The following BUD13 variants were observed in gnomAD, a reference collection of about 807,000 sequenced individuals.
BUD13 encodes BUD13 homolog.
A neutral mutation model predicts 62.5 loss-of-function variants in BUD13; 47 were observed. The observed-to-expected ratio is 0.75, with a 90% confidence interval of 0.60 to 0.96. The LOEUF is 0.96. BUD13 is among the 40% of genes least tolerant of loss of function. The pLI is 0.00. For missense variants in BUD13, 821 were observed against 790.9 expected (o/e 1.04, Z -0.46); for synonymous variants, 293 against 280.1 (o/e 1.05, Z -0.46).
At position 116,765,455 on chromosome 11, in the gene BUD13, G is replaced by A. The variant is rs957298869; in HGVS notation, c.238-9C>T. On this transcript the variant is annotated splice_polypyrimidine_tract_variant and intron_variant, in intron 2 of 9. Transcript: ENST00000260210. Reference sequence around the variant, plus strand: ...TCCACAAACTCTGCCACCTGTGAGAGTAAAGATTTCCTATCTTAGGAAATC... The same window carrying A: ...TCCACAAACTCTGCCACCTGTGAGAATAAAGATTTCCTATCTTAGGAAATC... The A allele has an allele frequency of 1.2e-6, 2 of 1,614,036 alleles. No homozygotes were observed. Among genetic ancestry groups the A allele is most frequent in the Admixed American group, 1.7e-5 (1 of 60,022 alleles).
intron 2 of BUD13, among the ~76,000 whole-genome samples, chr11:116,769,014 CAA>C (rs34626460): frequency 1.1e-3 from 102 of 90,126 alleles, no homozygotes; most frequent in Admixed American, 1.2e-3. Flanking sequence ...GACTCCGTCT[CAA>C]AAAAAAAAAA....
At chr11:116,770,455 C>T (rs1368704453) in intron 1 of BUD13, among the ~76,000 whole-genome samples, 1 of 151,778 alleles carries the variant, frequency 6.6e-6, no homozygotes, top group Non-Finnish European at 1.5e-5. Context: ...TTCACATATG[C>T]AGTTCCTTCC....
Position 116,760,784 on chromosome 11 carries a change from G to A in BUD13, c.1205C>T (p.Ser402Phe). 6.2e-7 allele frequency: 1 copy of A among 1,614,192 alleles called. No homozygotes were observed. The highest frequency in any genetic ancestry group is 8.5e-7 in the Non-Finnish European group (1 of 1,180,022). The change falls in exon 5 of 10, where the codon TCT becomes TTT. Residue 402 changes from serine to phenylalanine, a missense_variant. Physicochemically the swap from Ser to Phe is radical, Grantham distance 155. This residue lies in a region of BUD13 where 800 missense variants were observed against 739.2 expected (regional missense o/e 1.08). Transcript: ENST00000260210. ...PPRRRQRTKSSDSDLSPPRRS... is the reference protein window; with the variant it reads ...PPRRRQRTKSFDSDLSPPRRS... ...TCGAGGCGGGGACAGGTCAGAATCAGAAGATTTGGTCCTCTGTCTCCTCCT... is the reference window on the plus strand; with the variant it reads ...TCGAGGCGGGGACAGGTCAGAATCAAAAGATTTGGTCCTCTGTCTCCTCCT...
chr11:116,762,292 A>T (rs1439287399), intron 4 of BUD13, among the ~76,000 whole-genome samples: 2 of 152,226 alleles, frequency 1.3e-5, no homozygotes, highest in Non-Finnish European at 2.9e-5. Flanking sequence ...GTCACATTTT[A>T]TCTTTATATA....
At chr11:116,768,388 A>G (rs10790162) in intron 2 of BUD13, among the ~76,000 whole-genome samples, 141,445 of 152,252 alleles carry the variant, frequency 0.93, 65,953 homozygotes, top group African/African-American at 0.98. Flanking sequence ...CCTATGTACA[A>G]TATGATCCCA....
chr11:116,757,089 C>A, intron 9 of BUD13, 57 bp downstream of exon 9: 1 of 1,511,478 alleles, frequency 6.6e-7, no homozygotes, highest in Non-Finnish European at 9.2e-7. Flanking sequence ...GAGCAACTTA[C>A]GAGTGGTTAG....
chr11:116,752,620 G>A (rs1214864793), intron 9 of BUD13, among the ~76,000 whole-genome samples: 1 of 152,190 alleles, frequency 6.6e-6, no homozygotes, highest in African/African-American at 2.4e-5. Flanking sequence ...ACTTCTGGCT[G>A]TATGTATGGC....
intron 9 of BUD13, 32 bp downstream of exon 9, chr11:116,757,114 A>C (rs765827210): frequency 1.8e-5 from 29 of 1,597,334 alleles, no homozygotes; most frequent in Non-Finnish European, 2.4e-5. Flanking sequence ...GGTTACAGTC[A>C]GGTAGAAAAT....
rs1940467351 is a variant in BUD13 at position 116,763,132 on chromosome 11, T to C, written c.457A>G (p.Arg153Gly). 1 of 1,597,104 alleles carries C rather than the reference T, an allele frequency of 6.3e-7. No homozygotes were observed. Among genetic ancestry groups the C allele is most frequent in the Non-Finnish European group, 8.6e-7 (1 of 1,166,870 alleles). ...DRHDTPDPSP[R>G]RARHDTPDPS... Reference sequence around the variant, plus strand: ...TCCGGGGTGTCATGACGGGCCCTCCTAGGAGATGGATCCGGGGTGTCATGA... The same window carrying C: ...TCCGGGGTGTCATGACGGGCCCTCCCAGGAGATGGATCCGGGGTGTCATGA... Residue 153 changes from arginine (R) to glycine (G), a missense_variant, in exon 4 of 10, where the codon AGG (arginine) becomes GGG (glycine). Around this residue, in one of 2 missense-constraint regions of BUD13, gnomAD observed 800 missense variants for 739.2 expected, o/e 1.08. Coordinates refer to ENST00000260210, the MANE Select transcript of BUD13 (RefSeq NM_032725.4).
chr11:116,757,288 T>C (rs1446565236), intron 8 of BUD13, 61 bp from the exon 9 acceptor site: 4 of 1,477,486 alleles, frequency 2.7e-6, no homozygotes, highest in Admixed American at 1.8e-5. Context: ...CAGAGCTGGA[T>C]GGCAATGTGG....
intron 3 of BUD13, among the ~76,000 whole-genome samples, chr11:116,764,041 A>G (rs554726603): frequency 6.1e-4 from 93 of 152,370 alleles, no homozygotes; most frequent in African/African-American, 2.2e-3. Flanking sequence ...ATTGCTAATA[A>G]GTGGTAGAGG....
chr11:116,770,243 C>A (rs1349738066), intron 1 of BUD13, 21 bp from the exon 2 acceptor site: 2 of 1,579,886 alleles, frequency 1.3e-6, no homozygotes, highest in African/African-American at 1.4e-5. Flanking sequence ...ATAAGAAGAT[C>A]AAAAAGAGTC....
intron 1 of BUD13, among the ~76,000 whole-genome samples, chr11:116,771,523 C>CATTATT: frequency 6.6e-6 from 1 of 152,164 alleles, no homozygotes; most frequent in Admixed American, 6.5e-5. Context: ...TTAATAAAAC[C>CATTATT]ATTATTATTA....
chr11:116,767,720 T>G (rs1013014950), intron 2 of BUD13, among the ~76,000 whole-genome samples: 2 of 151,500 alleles, frequency 1.3e-5, no homozygotes, highest in Non-Finnish European at 2.9e-5. Flanking sequence ...ACACCTGTAA[T>G]CCCAACACTT....
intron 9 of BUD13, among the ~76,000 whole-genome samples, chr11:116,748,889 G>A (rs34637368): frequency 0.11 from 16,575 of 150,834 alleles, 1,188 homozygotes; most frequent in South Asian, 0.24. Flanking sequence ...GGAGGCTGAC[G>A]CAGGAGAATC....
chr11:116,758,006 C>T (rs1940361953), intron 7 of BUD13, 56 bp from the exon 8 acceptor site: 2 of 1,591,632 alleles, frequency 1.3e-6, no homozygotes, highest in Non-Finnish European at 8.6e-7. Context: ...TCCACTTCTA[C>T]ACGAGATGGA....
At chr11:116,757,032 G>C in intron 9 of BUD13, 114 bp downstream of exon 9, 1 of 945,418 alleles carries the variant, frequency 1.1e-6, no homozygotes, top group African/African-American at 1.6e-5. Context: ...CAAGCAAAGT[G>C]CATATTTTTC....
At chr11:116,762,361 C>G (rs1045264051) in intron 4 of BUD13, among the ~76,000 whole-genome samples, 192 bp downstream of exon 4, 27 of 152,122 alleles carry the variant, frequency 1.8e-4, no homozygotes, top group African/African-American at 6.3e-4. Flanking sequence ...TGGGGTGGAG[C>G]GAGCACATAA....
At chr11:116,772,530 T>A (rs1940647941) in intron 1 of BUD13, among the ~76,000 whole-genome samples, 1 of 152,136 alleles carries the variant, frequency 6.6e-6, no homozygotes, top group Non-Finnish European at 1.5e-5. Flanking sequence ...GGCACAATAT[T>A]CATTCTCTAT....
Sources: gnomAD v4.1 joint callset for allele counts (sites outside exome capture counted in the v4.1 genomes callset) on GRCh38, gnomAD v4.1.1 for gene constraint, gnomAD v4.1.1 regional missense constraint, MANE v1.5 for transcripts, NCBI Gene and HGNC (gene_info 2026-07-23, HGNC 2026-07-21) for gene names.